Variants in CIP2A observed in about 807,000 individuals in gnomAD.
The protein encoded by CIP2A is cellular inhibitor of PP2A, also known as protein CIP2A.
In CIP2A, 103 loss-of-function variants were observed where a neutral mutation model predicts 110.9. The observed-to-expected ratio is 0.93, with a 90% CI of 0.79 to 1.09. CIP2A has a LOEUF of 1.09. Ranked by LOEUF, CIP2A falls within the 50% of genes least tolerant of loss-of-function variation. The pLI, the probability that CIP2A is intolerant of heterozygous loss-of-function variation, is 0.00. For missense variants in CIP2A, 1,088 were observed against 1,038.4 expected (o/e 1.05, Z -0.66); for synonymous variants, 381 against 361.6 (o/e 1.05, Z -0.61).
At chr3:108,577,697 A>C (rs1938709953) in intron 7 of CIP2A, among the ~76,000 whole-genome samples, 1 of 152,068 alleles carries the variant, frequency 6.6e-6, no homozygotes, top group Non-Finnish European at 1.5e-5. Flanking sequence ...TCAGGAGTTC[A>C]AGACCAGCCT....
intron 8 of CIP2A, among the ~76,000 whole-genome samples, chr3:108,572,070 G>A (rs1159360263): frequency 6.6e-6 from 1 of 151,930 alleles, no homozygotes; most frequent in Admixed American, 6.6e-5. Context: ...ATACAATGTA[G>A]AAAAATAATA....
chr3:108,570,682 C>T (rs11926330), intron 8 of CIP2A, among the ~76,000 whole-genome samples: 5,533 of 152,150 alleles, frequency 0.036, 336 homozygotes, highest in African/African-American at 0.12. Context: ...ACAAAACATG[C>T]AGGACTGGAA....
At position 108,589,291 on chromosome 3, in the gene CIP2A, G is replaced by C; in HGVS notation, c.85C>G (p.Leu29Val). 6.2e-7 allele frequency: 1 copy of C among 1,613,938 alleles called. No homozygotes were observed. Residue 29 changes from leucine (L) to valine (V), a missense_variant, in exon 1 of 21, where the codon CTT becomes GTT. Coordinates refer to ENST00000295746, the MANE Select transcript of CIP2A (RefSeq NM_020890.3). Reference protein sequence around the residue: ...AVKSEANATQLLRHLEVISGQ... With the variant: ...AVKSEANATQVLRHLEVISGQ... Reference sequence around the variant, plus strand: ...CCTCTCACCTCCAAGTGCCGCAAAAGCTGAGTGGCGTTCGCCTCTGACTTC... The same window carrying C: ...CCTCTCACCTCCAAGTGCCGCAAAACCTGAGTGGCGTTCGCCTCTGACTTC...
intron 8 of CIP2A, among the ~76,000 whole-genome samples, chr3:108,572,556 C>T (rs1938435519): frequency 6.6e-6 from 1 of 151,722 alleles, no homozygotes; most frequent in South Asian, 2.1e-4. Context: ...CAAAATACTG[C>T]ACTGTCTTTA....
chr3:108,561,653 A>T (rs997842338), intron 13 of CIP2A, among the ~76,000 whole-genome samples: 33 of 152,194 alleles, frequency 2.2e-4, no homozygotes, highest in Admixed American at 6.5e-5. Context: ...TGGGTGATAG[A>T]GTGAGACCCT....
intron 4 of CIP2A, 32 bp downstream of exon 4, chr3:108,582,072 TAAAC>T (rs1240741188): frequency 5.2e-6 from 5 of 963,812 alleles, no homozygotes; most frequent in Admixed American, 4.7e-5. Context: ...AATAAACAAA[TAAAC>T]TATTTGGTTT....
chr3:108,560,543 G>T, intron 14 of CIP2A, 106 bp downstream of exon 14: 2 of 648,140 alleles, frequency 3.1e-6, no homozygotes, highest in Non-Finnish European at 5.1e-6. Context: ...TTATATTAAG[G>T]TTTCAATAGT....
Position 108,576,346 on chromosome 3 carries a change from T to A in CIP2A, c.819A>T (p.Arg273Ser), listed in dbSNP as rs1166583223. 6.6e-7 allele frequency: 1 copy of A among 1,505,810 alleles called. No homozygotes were observed. The highest frequency in any genetic ancestry group is 1.4e-5 in the African/African-American group (1 of 70,774). The allele number at this position is 1,505,810 out of a possible 1,614,324, so 93.3% of individuals were successfully genotyped here. A position where few individuals can be genotyped will look rare whatever the true frequency, so the allele number is the denominator to read the frequency against. The part of the protein sequence containing the change: ...KNPKIADYLT[R>S]YEHFSSCLHQ... ...GAAGACATGAAGAAAAGTGCTCATA[T>A]CTAGGTTTAGAATAAAAATATACAT... The change falls in exon 8 of 21, where the codon AGA (arginine) becomes AGT (serine). Residue 273 changes from arginine to serine, a missense_variant and splice_region_variant. Coordinates refer to ENST00000295746, the MANE Select transcript of CIP2A (RefSeq NM_020890.3).
rs758638052 is a variant in CIP2A, at chr3:108,551,143, TA to T, written c.*5del. The T allele has an allele frequency of 4.1e-6, 5 of 1,226,524 alleles. No homozygotes were observed. In the East Asian group the frequency reaches 3.0e-4, roughly 73 times the overall value. The allele number at this position is 1,226,524 out of a possible 1,614,324, so 76.0% of individuals were successfully genotyped here. The stretch of plus-strand genomic sequence containing the variant: ...TGAGATTACAAATTCCAAAATGCCA[TA>T]ATGTCTATATACTGAGATTCACAGT... On this transcript the variant is annotated 3_prime_UTR_variant, in exon 21 of 21. Coordinates refer to ENST00000295746, the MANE Select transcript of CIP2A (RefSeq NM_020890.3).
In CIP2A at chr3:108,551,141, CATA is replaced by C. The variant is rs1241360820; in HGVS notation, c.*5_*7del. The C allele has an allele frequency of 1.1e-5, 16 of 1,455,864 alleles. No homozygotes were observed. The highest frequency in any genetic ancestry group is 1.4e-5 in the Non-Finnish European group (15 of 1,090,292). The allele number at this position is 1,455,864 out of a possible 1,614,324, so 90.2% of individuals were successfully genotyped here. ...CATGAGATTACAAATTCCAAAATGC[CATA>C]ATGTCTATATACTGAGATTCACAGT... On this transcript the variant is annotated 3_prime_UTR_variant, in exon 21 of 21. Transcript: ENST00000295746.
At chr3:108,580,423 A>G (rs1327749904) in intron 5 of CIP2A, among the ~76,000 whole-genome samples, 1 of 138,922 alleles carries the variant, frequency 7.2e-6, no homozygotes, top group Admixed American at 7.5e-5. Flanking sequence ...TTTTTTTTCA[A>G]TTCAGAAATT....
chr3:108,557,120 T>C (rs1937835162), intron 17 of CIP2A, 98 bp downstream of exon 17: 4 of 693,530 alleles, frequency 5.8e-6, no homozygotes, highest in South Asian at 5.0e-5. Context: ...TATCAGAATA[T>C]ATGAAATGCT....
chr3:108,560,165 A>G lies in CIP2A; in HGVS notation c.1828-137T>C, dbSNP rs79172217. 918 of 598,406 alleles carry G rather than the reference A, an allele frequency of 1.5e-3. 8 individuals are homozygous for G. Among genetic ancestry groups the G allele is most frequent in the African/African-American group, 0.015 (790 of 53,210 alleles). 37.1% of individuals were successfully genotyped at this position (598,406 alleles called of 1,614,324 possible). On this transcript the variant is annotated intron_variant, in intron 14 of 20. Transcript: ENST00000295746. The stretch of plus-strand genomic sequence containing the variant: ...AATAAAAACAAATGCTACATCAGGT[A>G]AGTCACAAATATTTCTTTTTTTTTT...
At chr3:108,553,906 A>C (rs1374838382) in intron 18 of CIP2A, among the ~76,000 whole-genome samples, 176 bp from the exon 19 acceptor site, 8 of 130,200 alleles carry the variant, frequency 6.1e-5, no homozygotes, top group Non-Finnish European at 8.7e-5. Flanking sequence ...TAAAAAAAAA[A>C]AAAAAAAAAA....
chr3:108,586,392 AC>A (rs1459833650), intron 1 of CIP2A, among the ~76,000 whole-genome samples: 5 of 152,204 alleles, frequency 3.3e-5, no homozygotes, highest in Non-Finnish European at 7.4e-5. Context: ...CCAGAATAAG[AC>A]ACTTGCTGTT....
chr3:108,552,306 C>T lies in CIP2A; in HGVS notation c.2475G>A (p.Lys825=). The change falls in exon 20 of 21, where the codon AAG becomes AAA. Residue 825 remains lysine (K), a synonymous_variant. Transcript: ENST00000295746. ...IKTLQKERED[K]EETIDILRKE... is the part of the protein sequence containing the mutation. ...TTCTAAGGATATCAATGGTTTCTTC[C>T]TTATCTTCCCTTTCCTTTTGTAAGG... The T allele has an allele frequency of 6.4e-7, 1 of 1,559,980 alleles. No homozygotes were observed. Among genetic ancestry groups the T allele is most frequent in the African/African-American group, 1.4e-5 (1 of 72,186 alleles).
intron 11 of CIP2A, 118 bp from the exon 12 acceptor site, chr3:108,565,572 G>T: frequency 1.7e-6 from 1 of 571,968 alleles, no homozygotes; most frequent in Non-Finnish European, 3.1e-6. Context: ...AATTCAAGAT[G>T]ATAAAGTCCT....
At chr3:108,557,583 A>G (rs1937853865) in intron 16 of CIP2A, among the ~76,000 whole-genome samples, 169 bp from the exon 17 acceptor site, 1 of 152,128 alleles carries the variant, frequency 6.6e-6, no homozygotes, top group Admixed American at 6.6e-5. Flanking sequence ...TAAGTTGGAT[A>G]CTGTTATATT....
chr3:108,562,574 T>C (rs1480797209), intron 13 of CIP2A, among the ~76,000 whole-genome samples: 1 of 152,190 alleles, frequency 6.6e-6, no homozygotes, highest in Non-Finnish European at 1.5e-5. Context: ...GAATTTTTTT[T>C]CAAACATAAT....
Sources: allele counts gnomAD v4.1 joint callset (sites outside exome capture counted in the v4.1 genomes callset), GRCh38; gene constraint gnomAD v4.1.1; transcripts MANE v1.5; gene names NCBI Gene and HGNC (gene_info 2026-07-23, HGNC 2026-07-21).